MYOM2: variants seen among roughly 807,000 people sequenced by gnomAD.
MYOM2 encodes the protein myomesin-2.
MYOM2 carries 254 observed loss-of-function variants against 187.6 expected under a neutral mutation model. The observed-to-expected ratio is 1.35, with a 90% CI of 1.22 to 1.50. MYOM2 has a LOEUF of 1.50. Ranked by LOEUF, MYOM2 falls within the 40% of genes most tolerant of loss-of-function variation. The pLI is 0.00. For synonymous variants in MYOM2, 981 were observed against 753.8 expected, an observed-to-expected ratio of 1.30 and a Z score of -4.94; for missense variants, 2,796 against 1,924.0, an observed-to-expected ratio of 1.45 and a Z score of -8.48.
chr8:2,078,815 T>A lies in MYOM2; in HGVS notation c.1344T>A (p.Phe448Leu). The change falls in exon 12 of 37, where the codon TTT becomes TTA. Residue 448 changes from phenylalanine to leucine, a missense_variant. Coordinates refer to ENST00000262113, the MANE Select transcript of MYOM2 (RefSeq NM_003970.4). ...GCAAATACCCGGTCACAGGGCTTTTTGAAGGAAGGTCTTACATATTCCGAG... is the reference window on the plus strand; with the variant it reads ...GCAAATACCCGGTCACAGGGCTTTTAGAAGGAAGGTCTTACATATTCCGAG... ...KICKYPVTGL[F>L]EGRSYIFRVR... 6.2e-7 allele frequency: 1 copy of A among 1,614,176 alleles called. No homozygotes were observed. The highest frequency in any genetic ancestry group is 1.1e-5 in the South Asian group (1 of 91,080).
At position 2,072,524 on chromosome 8, in the gene MYOM2, G is replaced by GC. The variant is rs1331699863; in HGVS notation, c.958+18dup. 1.9e-6 allele frequency: 3 copies of GC among 1,607,688 alleles called. No homozygotes were observed. The Admixed American group carries it at 5.0e-5, about 27-fold the overall frequency. On this transcript the variant is annotated intron_variant, in intron 9 of 36. Coordinates refer to ENST00000262113, the MANE Select transcript of MYOM2 (RefSeq NM_003970.4). The stretch of plus-strand genomic sequence containing the variant: ...GTACCGCGATGGTGAGTAGGACACG[G>GC]CCCAGACCCGGGCACACACCAGGAG...
chr8:2,051,616 C>T (rs1390526500), intron 2 of MYOM2, among the ~76,000 whole-genome samples: 1 of 152,212 alleles, frequency 6.6e-6, no homozygotes, highest in East Asian at 1.9e-4. Flanking sequence ...ATTTGCAGCC[C>T]CTCCCAGCAG....
rs34460811 is a variant in MYOM2, at chr8:2,102,774, G to A, written c.2727G>A (p.Ala909=). 2,508 of 1,612,988 alleles carry A rather than the reference G, an allele frequency of 1.6e-3. 29 individuals carry two copies. In the African/African-American group the frequency reaches 0.031, roughly 20 times the overall value. The change falls in exon 21 of 37, where the codon GCG becomes GCA. Residue 909 remains alanine, a synonymous_variant. Coordinates refer to ENST00000262113, the MANE Select transcript of MYOM2 (RefSeq NM_003970.4). ...CGTCGGAGCCTGTGCTGGTAGAGGCGAGACCAGGTAAGGCTTACAACAAAA... is the reference window on the plus strand; with the variant it reads ...CGTCGGAGCCTGTGCTGGTAGAGGCAAGACCAGGTAAGGCTTACAACAAAA... The part of the protein sequence containing the change: ...SDTSEPVLVE[A]RPGTKEISAG...
intron 28 of MYOM2, among the ~76,000 whole-genome samples, chr8:2,121,571 C>T (rs1797459079): frequency 6.6e-6 from 1 of 152,098 alleles, no homozygotes; most frequent in Non-Finnish European, 1.5e-5. Flanking sequence ...GCCTGTGATT[C>T]GGTGCACCAT....
chr8:2,048,753 TTTTATTTA>T (rs772929748), intron 1 of MYOM2, among the ~76,000 whole-genome samples: 1 of 151,100 alleles, frequency 6.6e-6, no homozygotes, highest in African/African-American at 2.4e-5. Context: ...GGAGATATGC[TTTTATTTA>T]TTTATTTATT....
intron 3 of MYOM2, 91 bp downstream of exon 3, chr8:2,052,404 T>A: frequency 7.3e-7 from 1 of 1,365,342 alleles, no homozygotes; most frequent in Non-Finnish European, 9.6e-7. Flanking sequence ...CGACCTTAGC[T>A]GAGAGGGAAG....
chr8:2,073,204 G>C, intron 9 of MYOM2, 135 bp from the exon 10 acceptor site: 1 of 954,920 alleles, frequency 1.0e-6, no homozygotes, highest in Non-Finnish European at 1.5e-6. Flanking sequence ...GATTTTACCA[G>C]GCTGAGGCTC....
At chr8:2,110,341 G>A (rs551001339) in intron 25 of MYOM2, among the ~76,000 whole-genome samples, 2 of 152,242 alleles carry the variant, frequency 1.3e-5, no homozygotes, top group Non-Finnish European at 2.9e-5. Flanking sequence ...CAACAAAAAA[G>A]GCACATGCTC....
intron 9 of MYOM2, 69 bp from the exon 10 acceptor site, chr8:2,073,270 G>T (rs1438898943): frequency 3.9e-6 from 6 of 1,524,486 alleles, no homozygotes; most frequent in Non-Finnish European, 5.3e-6. Context: ...CGACGCTGGT[G>T]TCCCCGAGGC....
At position 2,117,874 on chromosome 8, in the gene MYOM2, T is replaced by C. The variant is rs370715271; in HGVS notation, c.3386-11T>C. The stretch of plus-strand genomic sequence containing the variant: ...TTTTTTATATGTTTTCTTCCCTTTT[T>C]TCCTCCCTAGGCCCTCATTTTGCTG... On this transcript the variant is annotated splice_polypyrimidine_tract_variant and intron_variant, in intron 27 of 36. Coordinates refer to ENST00000262113, the MANE Select transcript of MYOM2 (RefSeq NM_003970.4). 2.4e-5 allele frequency: 38 copies of C among 1,599,440 alleles called. No homozygotes were observed. The African/African-American group carries it at 4.7e-4, about 20-fold the overall frequency.
At chr8:2,114,790 T>G (rs1415560668) in intron 25 of MYOM2, among the ~76,000 whole-genome samples, 1 of 152,112 alleles carries the variant, frequency 6.6e-6, no homozygotes, top group Non-Finnish European at 1.5e-5. Flanking sequence ...TCTTTTTTCT[T>G]TTTATTTTTT....
chr8:2,133,362 C>T (rs1402342285), intron 32 of MYOM2, among the ~76,000 whole-genome samples: 1 of 152,156 alleles, frequency 6.6e-6, no homozygotes, highest in East Asian at 1.9e-4. Context: ...AATTTTGGAC[C>T]ACACTGAGAA....
intron 3 of MYOM2, among the ~76,000 whole-genome samples, chr8:2,055,802 G>C (rs964074525): frequency 1.3e-5 from 2 of 152,170 alleles, no homozygotes; most frequent in Non-Finnish European, 2.9e-5. Context: ...ACCTGCAGCG[G>C]GTCTCAGTTC....
intron 6 of MYOM2, among the ~76,000 whole-genome samples, chr8:2,059,527 G>A (rs539111775): frequency 6.6e-6 from 1 of 152,282 alleles, no homozygotes; most frequent in South Asian, 2.1e-4. Context: ...TGCAGTGCAA[G>A]AAGCTTTCAT....
intron 3 of MYOM2, among the ~76,000 whole-genome samples, 195 bp downstream of exon 3, chr8:2,052,508 T>G (rs11136459): frequency 1.3e-5 from 2 of 152,082 alleles, no homozygotes; most frequent in Non-Finnish European, 2.9e-5. Flanking sequence ...TCAATTAATC[T>G]GAACAAGAAA....
rs757162040 is a variant in MYOM2 at position 2,123,290 on chromosome 8, C to G, written c.3492C>G (p.Leu1164=). Residue 1164 remains leucine, a synonymous_variant, in exon 29 of 37, where the codon CTC becomes CTG. Transcript: ENST00000262113. ...NTKKETVFKW[L]KDDVLYETET... ...AGAAAGAAACCGTTTTCAAATGGCT[C>G]AAGGATGATGTTCTGTATGAAACGG... 5.6e-6 allele frequency: 9 copies of G among 1,613,686 alleles called. No homozygotes were observed. In the African/African-American group the frequency reaches 1.2e-4, roughly 22 times the overall value.
In MYOM2 at chr8:2,100,886, C is replaced by A; in HGVS notation, c.2451C>A (p.Tyr817Ter). 1 of 1,614,140 alleles carries A rather than the reference C, an allele frequency of 6.2e-7. No individual in the cohort carries two copies. Among genetic ancestry groups the A allele is most frequent in the Non-Finnish European group, 8.5e-7 (1 of 1,180,010 alleles). ...AWTMPEPGPA[Y>*]DLTFCEVRDT... ...CATCTGACTTCACAGGTCCTGCCTACGACTTGACGTTCTGTGAGGTCAGGG... is the reference window on the plus strand; with the variant it reads ...CATCTGACTTCACAGGTCCTGCCTAAGACTTGACGTTCTGTGAGGTCAGGG... Residue 817 changes from tyrosine to a stop codon, truncating the protein, a stop_gained, in exon 20 of 37, where the codon TAC becomes TAA. Coordinates refer to ENST00000262113, the MANE Select transcript of MYOM2 (RefSeq NM_003970.4). LOFTEE classifies it high-confidence loss of function.
chr8:2,137,995 G>C (rs1004038898), intron 32 of MYOM2, among the ~76,000 whole-genome samples: 74 of 152,142 alleles, frequency 4.9e-4, no homozygotes, highest in Non-Finnish European at 6.3e-4. Context: ...TCTGTGCAAG[G>C]TTTTTCTTTT....
chr8:2,107,553 A>C (rs6988128), intron 23 of MYOM2, among the ~76,000 whole-genome samples: 104,595 of 151,904 alleles, frequency 0.69, 36,974 homozygotes, highest in African/African-American at 0.85. Context: ...ACGGAGGGGG[A>C]AGCCAGAATC....
Sources: gnomAD v4.1 joint callset for allele counts (sites outside exome capture counted in the v4.1 genomes callset) on GRCh38, gnomAD v4.1.1 for gene constraint, MANE v1.5 for transcripts, NCBI Gene and HGNC (gene_info 2026-07-23, HGNC 2026-07-21) for gene names.